Variants in YIF1A observed in about 807,000 individuals in gnomAD.
The protein encoded by YIF1A is protein YIF1A.
YIF1A carries 28 observed loss-of-function variants against 32.6 expected under a neutral mutation model. That is an observed-to-expected ratio of 0.86 (90% CI 0.64 to 1.18). The LOEUF is 1.18. Ranked by LOEUF, YIF1A falls within the 50% of genes most tolerant of loss-of-function variation. YIF1A has a pLI of 0.00. For missense variants in YIF1A, 373 were observed against 390.8 expected (o/e 0.95, Z 0.38); for synonymous variants, 175 against 162.2 (o/e 1.08, Z -0.60).
intron 7 of YIF1A, 29 bp from the exon 8 acceptor site, chr11:66,284,812 C>G (rs1338239808): frequency 1.9e-6 from 3 of 1,611,384 alleles, no homozygotes; most frequent in Non-Finnish European, 2.5e-6. Context: ...GAAGCCTGGC[C>G]AGGAGGGGGA....
chr11:66,285,390 T>C lies in YIF1A; in HGVS notation c.632A>G (p.Lys211Arg), dbSNP rs769368772. 31 of 1,612,248 alleles carry C rather than the reference T, an allele frequency of 1.9e-5. No individual in the cohort carries two copies. Among genetic ancestry groups the C allele is most frequent in the African/African-American group, 8.0e-5 (6 of 74,894 alleles). ...TFHLLAYSGY[K>R]YVGMILSVLT... The stretch of plus-strand genomic sequence containing the variant: ...GCCCACAAGTGCTCACCCCACGTAT[T>C]TGTAGCCACTGTAGGCCAGCAGGTG... Residue 211 changes from lysine to arginine, a missense_variant, in exon 6 of 8, where the codon AAA becomes AGA. Physicochemically the swap from Lys to Arg is conservative, Grantham distance 26 (BLOSUM62 2). Coordinates refer to ENST00000376901, the MANE Select transcript of YIF1A (RefSeq NM_020470.3).
Position 66,287,909 on chromosome 11 carries a change from C to T in YIF1A, c.251G>A (p.Arg84His), listed in dbSNP as rs1184803830. 1.2e-6 allele frequency: 2 copies of T among 1,613,262 alleles called. No individual in the cohort carries two copies. Among genetic ancestry groups the T allele is most frequent in the African/African-American group, 1.3e-5 (1 of 75,030 alleles). The change falls in exon 3 of 8, where the codon CGT becomes CAT. Residue 84 changes from arginine to histidine, a missense_variant. Coordinates refer to ENST00000376901, the MANE Select transcript of YIF1A (RefSeq NM_020470.3). ...GKDMVHKELHRFVSVSKLKYF... is the reference protein window; with the variant it reads ...GKDMVHKELHHFVSVSKLKYF... ...CTTGAGTTTGCTCACAGACACAAAA[C>T]GGTGCAGCTGGGAGGGGAGAGAGGA...
chr11:66,287,636 G>T lies in YIF1A; in HGVS notation c.389C>A (p.Pro130His), dbSNP rs139558494. 1 of 1,613,710 alleles carries T rather than the reference G, an allele frequency of 6.2e-7. No individual in the cohort carries two copies. The highest frequency in any genetic ancestry group is 8.5e-7 in the Non-Finnish European group (1 of 1,179,982). The change falls in exon 4 of 8, where the codon CCC becomes CAC. Residue 130 changes from proline to histidine, a missense_variant. Pro to His is a moderately conservative substitution (Grantham distance 77, BLOSUM62 -2). Coordinates refer to ENST00000376901, the MANE Select transcript of YIF1A (RefSeq NM_020470.3). Reference protein sequence around the residue: ...VQYSRDAPLPPRQDLNAPDLY... With the variant: ...VQYSRDAPLPHRQDLNAPDLY... ...GTCAGGGGCGTTGAGGTCTTGCCGGGGGGGCAGAGGAGCATCACGACTGTA... is the reference window on the plus strand; with the variant it reads ...GTCAGGGGCGTTGAGGTCTTGCCGGTGGGGCAGAGGAGCATCACGACTGTA...
chr11:66,286,224 GA>G (rs750456500), intron 4 of YIF1A, among the ~76,000 whole-genome samples: 1 of 152,218 alleles, frequency 6.6e-6, no homozygotes, highest in Non-Finnish European at 1.5e-5. Flanking sequence ...ACAATGCAGG[GA>G]ACTCCAAGTT....
Position 66,284,876 on chromosome 11 carries a change from G to A in YIF1A, c.732C>T (p.Phe244=), listed in dbSNP as rs761664224. The A allele has an allele frequency of 6.2e-7, 1 of 1,613,224 alleles. No homozygotes were observed. Among genetic ancestry groups the A allele is most frequent in the South Asian group, 1.1e-5 (1 of 91,090 alleles). The part of the protein sequence containing the change: ...LAWTSSALMY[F]IVRSLRTAAL... ...TGGGGGGGTGCACCAGACTCACAAT[G>A]AAGTACATGAGCGCCGATGAGGTCC... Residue 244 remains phenylalanine, a synonymous_variant, in exon 7 of 8, where the codon TTC becomes TTT. Transcript: ENST00000376901.
intron 4 of YIF1A, chr11:66,286,872 T>TGCCC: frequency 6.5e-6 from 1 of 152,888 alleles, no homozygotes; most frequent in African/African-American, 2.4e-5. Context: ...GCTGGCTGCC[T>TGCCC]GCCCTCAGTC....
intron 3 of YIF1A, 56 bp downstream of exon 3, chr11:66,287,756 G>C (rs1857381171): frequency 6.2e-7 from 1 of 1,609,216 alleles, no homozygotes; most frequent in Non-Finnish European, 8.5e-7. Flanking sequence ...GAGGTCTGGG[G>C]GCCAGACTCG....
intron 1 of YIF1A, among the ~76,000 whole-genome samples, chr11:66,288,619 G>A (rs1376475727): frequency 6.6e-6 from 1 of 152,234 alleles, no homozygotes; most frequent in African/African-American, 2.4e-5. Context: ...AAATAACTGG[G>A]AGGGCATCCT....
chr11:66,285,813 T>G (rs1857348344), intron 4 of YIF1A, 55 bp from the exon 5 acceptor site: 1 of 1,590,274 alleles, frequency 6.3e-7, no homozygotes, highest in Non-Finnish European at 8.6e-7. Context: ...AGAGCTGCCT[T>G]ACTAGGCATT....
chr11:66,288,327 A>C lies in YIF1A; in HGVS notation c.32-35T>G, dbSNP rs1361031890. ...TGGAGGTATCAGAGTAGATGACAGA[A>C]ATACCAAGCATGAGCCCAAACCACC... On this transcript the variant is annotated intron_variant, in intron 1 of 7. Transcript: ENST00000376901. 3 of 1,612,564 alleles carry C rather than the reference A, an allele frequency of 1.9e-6. No individual in the cohort carries two copies. The East Asian group carries it at 6.7e-5, about 36-fold the overall frequency.
chr11:66,285,023 G>A, intron 6 of YIF1A, 57 bp from the exon 7 acceptor site: 7 of 1,573,948 alleles, frequency 4.4e-6, no homozygotes, highest in Non-Finnish European at 5.2e-6. Context: ...CCTGAGATTG[G>A]CCCTACCCCC....
chr11:66,285,925 G>A (rs1036218755), intron 4 of YIF1A, among the ~76,000 whole-genome samples, 167 bp from the exon 5 acceptor site: 3 of 152,204 alleles, frequency 2.0e-5, no homozygotes, highest in African/African-American at 4.8e-5. Context: ...GCCTGTCTCC[G>A]ATCAGCCCTC....
Position 66,289,003 on chromosome 11 carries a change from TC to T in YIF1A, c.-19del. 7.6e-6 allele frequency: 12 copies of T among 1,578,016 alleles called. No individual in the cohort carries two copies. Among genetic ancestry groups the T allele is most frequent in the Admixed American group, 1.7e-5 (1 of 57,750 alleles). ...TAAGCCATGGCCGCGACGCTCGCTG[TC>T]CCCGAGGGCCCGCTGCGCCGCCTCG... On this transcript the variant is annotated 5_prime_UTR_variant, in exon 1 of 8. Transcript: ENST00000376901.
rs1158277036 is a variant in YIF1A, at chr11:66,284,742, C to A, written c.777G>T (p.Met259Ile). ...LRTAALGPDSMGGPVPRQRLQ... is the reference protein window; with the variant it reads ...LRTAALGPDSIGGPVPRQRLQ... ...GACGCTGCCGGGGGACGGGGCCCCC[C>A]ATGCTGTCGGGGCCCAGGGCTGCTG... The change falls in exon 8 of 8, where the codon ATG becomes ATT. Residue 259 changes from methionine to isoleucine, a missense_variant. Transcript: ENST00000376901. The A allele has an allele frequency of 2.5e-6, 4 of 1,612,144 alleles. No individual in the cohort carries two copies. The highest frequency in any genetic ancestry group is 3.4e-6 in the Non-Finnish European group (4 of 1,179,678).
Position 66,287,819 on chromosome 11 carries a change from G to T in YIF1A, c.341C>A (p.Thr114Lys). 1 of 1,614,078 alleles carries T rather than the reference G, an allele frequency of 6.2e-7. No homozygotes were observed. The highest frequency in any genetic ancestry group is 1.7e-5 in the Admixed American group (1 of 60,032). Residue 114 changes from threonine (T) to lysine (K), a missense_variant, in exon 3 of 8, where the codon ACA (threonine) becomes AAA (lysine). Coordinates refer to ENST00000376901, the MANE Select transcript of YIF1A (RefSeq NM_020470.3). ...KKLGLLVFPY[T>K]HQNWEVQYSR... is the part of the protein sequence containing the mutation. Reference sequence around the variant, plus strand: ...CCTTGGTAGGAAGCTCACCTGGTGTGTGTAGGGGAAGACCAGCAGCCCTAG... The same window carrying T: ...CCTTGGTAGGAAGCTCACCTGGTGTTTGTAGGGGAAGACCAGCAGCCCTAG...
chr11:66,286,630 AG>A (rs1857360688), intron 4 of YIF1A, among the ~76,000 whole-genome samples: 1 of 152,134 alleles, frequency 6.6e-6, no homozygotes, highest in Non-Finnish European at 1.5e-5. Flanking sequence ...CTGTCTCAAA[AG>A]AAGAAGAAAA....
rs1050600491 is a variant in YIF1A at position 66,285,699 on chromosome 11, A to C, written c.485+2T>G. 11 of 1,613,220 alleles carry C rather than the reference A, an allele frequency of 6.8e-6. No homozygotes were observed. Among genetic ancestry groups the C allele is most frequent in the Non-Finnish European group, 9.3e-6 (11 of 1,179,872 alleles). ...AGGGTAAGGGAGGGGCTTGGCACTG[A>C]CCTTTTCTGAATGCCCAGTGCCATC... On this transcript the variant is annotated splice_donor_variant, in intron 5 of 7. Coordinates refer to ENST00000376901, the MANE Select transcript of YIF1A (RefSeq NM_020470.3). LOFTEE classifies it high-confidence loss of function.
intron 1 of YIF1A, among the ~76,000 whole-genome samples, chr11:66,288,691 G>A (rs912047489): frequency 1.3e-5 from 2 of 152,232 alleles, no homozygotes; most frequent in Non-Finnish European, 2.9e-5. Flanking sequence ...CAGTGATCAG[G>A]GACCTCATCA....
At chr11:66,285,058 C>T in intron 6 of YIF1A, 92 bp from the exon 7 acceptor site, 2 of 1,282,260 alleles carry the variant, frequency 1.6e-6, no homozygotes, top group African/African-American at 1.5e-5. Context: ...AGCTAGACCC[C>T]ACCTCCCACA....
Sources: allele counts gnomAD v4.1 joint callset (sites outside exome capture counted in the v4.1 genomes callset), GRCh38; gene constraint gnomAD v4.1.1; transcripts MANE v1.5; gene names NCBI Gene and HGNC (gene_info 2026-07-23, HGNC 2026-07-21).